The following ZC2HC1B variants were observed in gnomAD, a reference collection of about 807,000 sequenced individuals.
ZC2HC1B encodes zinc finger C2HC domain-containing protein 1B.
ZC2HC1B carries 36 observed loss-of-function variants against 31.0 expected under a neutral mutation model. The ratio of observed to expected loss-of-function variants is 1.16; its 90% confidence interval spans 0.89 to 1.54. The LOEUF is 1.54. Among genes scored for constraint, ZC2HC1B ranks in the 40% most tolerant of loss-of-function variants. ZC2HC1B has a pLI of 0.00. For synonymous variants in ZC2HC1B, 73 were observed against 88.0 expected, an observed-to-expected ratio of 0.83 and a Z score of 0.95; for missense variants, 260 against 268.6, an observed-to-expected ratio of 0.97 and a Z score of 0.22.
At chr6:143,879,660 A>G (rs554632554) in intron 1 of ZC2HC1B, among the ~76,000 whole-genome samples, 12 of 152,258 alleles carry the variant, frequency 7.9e-5, no homozygotes, top group African/African-American at 2.9e-4. Flanking sequence ...TGAATAGCTT[A>G]GTTCTCTACA....
At chr6:143,866,955 A>G (rs1357393823) in intron 1 of ZC2HC1B, among the ~76,000 whole-genome samples, 1 of 152,230 alleles carries the variant, frequency 6.6e-6, no homozygotes, top group African/African-American at 2.4e-5. Context: ...GAAGTTGAAC[A>G]TCTCTAATCC....
intron 6 of ZC2HC1B, among the ~76,000 whole-genome samples, chr6:143,914,791 T>C (rs1331434635): frequency 2.6e-5 from 4 of 152,166 alleles, no homozygotes; most frequent in African/African-American, 9.7e-5. Flanking sequence ...TTATTTTGTC[T>C]AATATTAGTG....
At chr6:143,920,539 GTAT>G (rs1052279024) in intron 6 of ZC2HC1B, among the ~76,000 whole-genome samples, 14 of 152,068 alleles carry the variant, frequency 9.2e-5, no homozygotes, top group African/African-American at 2.9e-4. Context: ...AAGCAAAATG[GTAT>G]TATGTTTGCT....
intron 1 of ZC2HC1B, among the ~76,000 whole-genome samples, chr6:143,874,858 G>C (rs920923555): frequency 6.6e-6 from 1 of 151,938 alleles, no homozygotes; most frequent in Non-Finnish European, 1.5e-5. Context: ...TTTGAGATGA[G>C]GTCTCTTTCT....
At chr6:143,928,323 T>G (rs1778074867) in intron 6 of ZC2HC1B, among the ~76,000 whole-genome samples, 1 of 152,218 alleles carries the variant, frequency 6.6e-6, no homozygotes, top group South Asian at 2.1e-4. Context: ...TTCATTCTTT[T>G]GCATGTGGCT....
At position 143,923,682 on chromosome 6, in the gene ZC2HC1B, C is replaced by T. The variant is rs929244671; in HGVS notation, c.599-13967C>T. On this transcript the variant is annotated intron_variant, in intron 6 of 7. Coordinates refer to ENST00000237275, the MANE Select transcript of ZC2HC1B (RefSeq NM_001013623.3). This position sits in a 1 kb window ranked among gnomAD's most constrained non-coding sequence, Gnocchi z 4.8. ...TTTCTGTACTTGGATATCCAGTTTT[C>T]CCTGTACCATTATTGAAGAGGATGC... is the stretch of plus-strand genomic sequence containing the variant. Among the ~76,000 whole-genome samples, 56 of 152,048 alleles carry T rather than the reference C, an allele frequency of 3.7e-4. 1 individual carries two copies. Among genetic ancestry groups the T allele is most frequent in the African/African-American group, 2.4e-5 (1 of 41,414 alleles).
At chr6:143,892,756 A>C (rs1777616388) in intron 4 of ZC2HC1B, among the ~76,000 whole-genome samples, 1 of 152,182 alleles carries the variant, frequency 6.6e-6, no homozygotes. Flanking sequence ...AAATTTCAAC[A>C]TGAGATTTGA....
In ZC2HC1B at chr6:143,886,619, A is replaced by G; in HGVS notation, c.211-64A>G. On this transcript the variant is annotated intron_variant, in intron 3 of 7. Transcript: ENST00000237275. This position sits in a 1 kb window ranked among gnomAD's most constrained non-coding sequence, Gnocchi z 4.2. ...TCCTGTGAATTCAAATTCCAGCTTTAAACAAAATTGTAATGGAGAGGTATA... is the reference window on the plus strand; with the variant it reads ...TCCTGTGAATTCAAATTCCAGCTTTGAACAAAATTGTAATGGAGAGGTATA... 7.3e-7 allele frequency: 1 copy of G among 1,374,606 alleles called. No homozygotes were observed. The highest frequency in any genetic ancestry group is 2.9e-5 in the East Asian group (1 of 34,392). The allele number at this position is 1,374,606 out of a possible 1,614,324, so 85.2% of individuals were successfully genotyped here. A position where few individuals can be genotyped will look rare whatever the true frequency, so the allele number is the denominator to read the frequency against.
intron 6 of ZC2HC1B, among the ~76,000 whole-genome samples, chr6:143,904,592 T>A (rs1479551888): frequency 1.3e-5 from 2 of 152,212 alleles, no homozygotes; most frequent in African/African-American, 4.8e-5. Flanking sequence ...CATAAATTTT[T>A]AAAATTTTAG....
intron 6 of ZC2HC1B, among the ~76,000 whole-genome samples, chr6:143,929,481 T>G (rs960417714): frequency 6.6e-6 from 1 of 152,206 alleles, no homozygotes; most frequent in African/African-American, 2.4e-5. Context: ...TTTTGTTTGC[T>G]TGTATTTTGT....
chr6:143,890,326 C>T (rs1393146326), intron 4 of ZC2HC1B, among the ~76,000 whole-genome samples: 2 of 145,112 alleles, frequency 1.4e-5, no homozygotes, highest in Non-Finnish European at 3.0e-5. Context: ...TTTTTAAAAG[C>T]ATATGATCAT....
rs559945685 is a variant in ZC2HC1B, at chr6:143,924,351, A to G, written c.599-13298A>G. ...GTTTTTGGTGGAGTCTTTAGGTTTT[A>G]TATATATATATATGTATTACATATA... On this transcript the variant is annotated intron_variant, in intron 6 of 7. Transcript: ENST00000237275. The surrounding 1 kb of genome is among the most constrained non-coding windows in gnomAD (Gnocchi z 5.2). Among the ~76,000 whole-genome samples the G allele has an allele frequency of 3.6e-3, 537 of 149,654 alleles. 2 individuals carry two copies. The highest frequency in any genetic ancestry group is 6.7e-3 in the Non-Finnish European group (452 of 67,350).
chr6:143,910,419 C>T (rs575030957), intron 6 of ZC2HC1B, among the ~76,000 whole-genome samples: 11 of 152,284 alleles, frequency 7.2e-5, no homozygotes, highest in African/African-American at 2.4e-4. Flanking sequence ...TGCCATGTGG[C>T]AATGAGAAGA....
At position 143,933,492 on chromosome 6, in the gene ZC2HC1B, T is replaced by C. The variant is rs1018056626; in HGVS notation, c.599-4157T>C. Among the ~76,000 whole-genome samples the C allele has an allele frequency of 6.6e-6, 1 of 152,032 alleles. No homozygotes were observed. The highest frequency in any genetic ancestry group is 2.1e-4 in the South Asian group (1 of 4,812). ...GGATTAGGTAGGTTTGAGCTCAGAC[T>C]CTCCTTGGGTGGGGGTTGCTGTGGC... On this transcript the variant is annotated intron_variant, in intron 6 of 7. Transcript: ENST00000237275. This position sits in a 1 kb window ranked among gnomAD's most constrained non-coding sequence, Gnocchi z 6.4.
In ZC2HC1B at chr6:143,886,805, T is replaced by C. The variant is rs2128494065; in HGVS notation, c.333T>C (p.Pro111=). 1.3e-6 allele frequency: 2 copies of C among 1,504,012 alleles called. No homozygotes were observed. The highest frequency in any genetic ancestry group is 1.8e-6 in the Non-Finnish European group (2 of 1,119,154). 93.2% of individuals were successfully genotyped at this position (1,504,012 alleles called of 1,614,324 possible). A position where few individuals can be genotyped will look rare whatever the true frequency, so the allele number is the denominator to read the frequency against. Residue 111 remains proline (P), a synonymous_variant, in exon 4 of 8, where the codon CCT becomes CCC. Coordinates refer to ENST00000237275, the MANE Select transcript of ZC2HC1B (RefSeq NM_001013623.3). This position sits in a 1 kb window ranked among gnomAD's most constrained non-coding sequence, Gnocchi z 4.2. The part of the protein sequence containing the change: ...KEGRPLPPPP[P]PSLNPDYIQR... ...GCCGACCCCTCCCACCTCCACCCCC[T>C]CCATCCTTGAACCCAGGTGTGTAGA...
rs1342191699 is a variant in ZC2HC1B at position 143,895,151 on chromosome 6, ATTTG to A, written c.350-3397_350-3394del. 6.6e-6 allele frequency among the ~76,000 whole-genome samples: 1 copy of A among 152,008 alleles called. No homozygotes were observed. The highest frequency in any genetic ancestry group is 2.4e-5 in the African/African-American group (1 of 41,376). ...CTCAGGCTTAAGTTCTAGAGAATTT[ATTTG>A]TTTTTTGTTGTTGTTGTTGTTTTTG... On this transcript the variant is annotated intron_variant, in intron 4 of 7. Transcript: ENST00000237275. The surrounding 1 kb of genome is among the most constrained non-coding windows in gnomAD (Gnocchi z 4.8).
At position 143,885,781 on chromosome 6, in the gene ZC2HC1B, T is replaced by C. The variant is rs1192066545; in HGVS notation, c.91-251T>C. On this transcript the variant is annotated intron_variant, in intron 2 of 7. Coordinates refer to ENST00000237275, the MANE Select transcript of ZC2HC1B (RefSeq NM_001013623.3). The surrounding 1 kb of genome is among the most constrained non-coding windows in gnomAD (Gnocchi z 4.2). ...ACTGCCCACATTTGAGTTAAATATATAAACCCAAATTTGAAGTAAGTCTTT... is the reference window on the plus strand; with the variant it reads ...ACTGCCCACATTTGAGTTAAATATACAAACCCAAATTTGAAGTAAGTCTTT... Among the ~76,000 whole-genome samples, 1 of 152,244 alleles carries C rather than the reference T, an allele frequency of 6.6e-6. No homozygotes were observed.
intron 4 of ZC2HC1B, among the ~76,000 whole-genome samples, chr6:143,888,639 A>G (rs570059798): frequency 6.6e-6 from 1 of 152,132 alleles, no homozygotes; most frequent in South Asian, 2.1e-4. Flanking sequence ...TAAGTATTTT[A>G]TTCATTTTGA....
At chr6:143,873,701 G>A (rs910542674) in intron 1 of ZC2HC1B, among the ~76,000 whole-genome samples, 17 of 152,238 alleles carry the variant, frequency 1.1e-4, no homozygotes, top group African/African-American at 2.9e-4. Flanking sequence ...GGCATAGCCC[G>A]AGCTGTACAT....
Sources: allele counts gnomAD v4.1 joint callset (sites outside exome capture counted in the v4.1 genomes callset), GRCh38; gene constraint gnomAD v4.1.1; non-coding constraint Gnocchi (gnomAD v3.1); transcripts MANE v1.5; gene names NCBI Gene and HGNC (gene_info 2026-07-23, HGNC 2026-07-21).